Variants in SLC9A9 observed in about 807,000 individuals in gnomAD.
SLC9A9 encodes the protein sodium/hydrogen exchanger 9.
In SLC9A9, 62 loss-of-function variants were observed where a neutral mutation model predicts 77.8. The ratio of observed to expected loss-of-function variants is 0.80; its 90% CI spans 0.65 to 0.98. The LOEUF is 0.98. Ranked by LOEUF, SLC9A9 falls within the 50% of genes least tolerant of loss-of-function variation. The probability of loss-of-function intolerance (pLI) is 0.00; values close to 1 mark genes in which losing one functional copy is unlikely to be tolerated. For synonymous variants in SLC9A9, 320 were observed against 283.5 expected (o/e 1.13, Z -1.29); for missense variants, 775 against 774.9 (o/e 1.00, Z 0.00).
chr3:143,483,324 G>A (rs2035604084), intron 11 of SLC9A9, among the ~76,000 whole-genome samples: 2 of 152,178 alleles, frequency 1.3e-5, no homozygotes, highest in South Asian at 4.1e-4. Context: ...GAGTGTGGCA[G>A]TAGGGTCATC....
At chr3:143,821,550 G>C (rs1042090772) in intron 2 of SLC9A9, among the ~76,000 whole-genome samples, 1 of 152,162 alleles carries the variant, frequency 6.6e-6, no homozygotes, top group East Asian at 1.9e-4. Context: ...TTTTGGGGAC[G>C]TGAAAAATGA....
chr3:143,338,030 T>C (rs1297860515), intron 14 of SLC9A9, among the ~76,000 whole-genome samples: 2 of 152,188 alleles, frequency 1.3e-5, no homozygotes, highest in African/African-American at 2.4e-5. Flanking sequence ...GAGATGAACA[T>C]GCATGTCTCT....
intron 4 of SLC9A9, among the ~76,000 whole-genome samples, chr3:143,772,125 G>A (rs2007544470): frequency 1.3e-5 from 2 of 151,778 alleles, no homozygotes; most frequent in African/African-American, 4.8e-5. Flanking sequence ...ACATGCCCCA[G>A]CCTGCTGGCA....
intron 2 of SLC9A9, among the ~76,000 whole-genome samples, chr3:143,814,542 C>T (rs2008954930): frequency 6.6e-6 from 1 of 152,158 alleles, no homozygotes; most frequent in Non-Finnish European, 1.5e-5. Context: ...TCATGCAGGG[C>T]TGCCAGGTTT....
intron 14 of SLC9A9, among the ~76,000 whole-genome samples, chr3:143,306,532 A>C (rs927455057): frequency 6.6e-6 from 1 of 152,184 alleles, no homozygotes; most frequent in Non-Finnish European, 1.5e-5. Flanking sequence ...TCTTGCCTGT[A>C]AGCTCCATGA....
At chr3:143,412,264 A>C (rs553416552) in intron 12 of SLC9A9, among the ~76,000 whole-genome samples, 6 of 152,042 alleles carry the variant, frequency 3.9e-5, no homozygotes, top group African/African-American at 1.4e-4. Flanking sequence ...TGGACTCTCT[A>C]ACCTCACTTT....
At chr3:143,829,518 A>G (rs1235926348) in intron 2 of SLC9A9, among the ~76,000 whole-genome samples, 1 of 152,206 alleles carries the variant, frequency 6.6e-6, no homozygotes, top group Admixed American at 6.6e-5. Context: ...AACCAGCTCA[A>G]GTACCTATGA....
chr3:143,412,566 C>T (rs1043592191), intron 12 of SLC9A9, among the ~76,000 whole-genome samples: 6 of 152,186 alleles, frequency 3.9e-5, no homozygotes, highest in African/African-American at 1.4e-4. Context: ...TCTCTCTGTA[C>T]ACAGTCCCCC....
chr3:143,571,739 A>T (rs998239765), intron 8 of SLC9A9, among the ~76,000 whole-genome samples: 2 of 152,226 alleles, frequency 1.3e-5, no homozygotes, highest in East Asian at 3.8e-4. Context: ...AGCAATGAAC[A>T]GTGGCCTAAT....
intron 5 of SLC9A9, among the ~76,000 whole-genome samples, chr3:143,668,343 AG>A (rs2039105067): frequency 1.2e-5 from 1 of 81,964 alleles, no homozygotes; most frequent in South Asian, 5.4e-4. Context: ...GGGTGGGGGG[AG>A]GGGGGAGGGA....
chr3:143,725,190 T>C (rs1358937586), intron 4 of SLC9A9, among the ~76,000 whole-genome samples: 4 of 152,172 alleles, frequency 2.6e-5, no homozygotes, highest in African/African-American at 7.2e-5. Flanking sequence ...GATTGGCACA[T>C]AGTTCACACC....
intron 14 of SLC9A9, among the ~76,000 whole-genome samples, chr3:143,306,700 G>A (rs950656422): frequency 6.6e-6 from 1 of 152,048 alleles, no homozygotes; most frequent in East Asian, 1.9e-4. Context: ...TGATCTCCCC[G>A]CTTGCCCTCT....
At chr3:143,712,159 C>T (rs986091924) in intron 4 of SLC9A9, among the ~76,000 whole-genome samples, 2 of 152,084 alleles carry the variant, frequency 1.3e-5, no homozygotes, top group Admixed American at 1.3e-4. Flanking sequence ...CAGAACTTGG[C>T]CTTTATTTAC....
intron 4 of SLC9A9, among the ~76,000 whole-genome samples, chr3:143,743,115 G>T (rs17651150): frequency 1.2e-4 from 18 of 151,764 alleles, no homozygotes; most frequent in African/African-American, 4.4e-4. Context: ...CAGGTAACAG[G>T]CTCCACCAGT....
chr3:143,634,315 C>G (rs1035563002), intron 6 of SLC9A9, among the ~76,000 whole-genome samples: 2 of 152,056 alleles, frequency 1.3e-5, no homozygotes, highest in African/African-American at 4.8e-5. Flanking sequence ...CAAGTGTTTT[C>G]TTCTTCAAAA....
At chr3:143,624,568 C>A (rs977690713) in intron 6 of SLC9A9, among the ~76,000 whole-genome samples, 3 of 152,086 alleles carry the variant, frequency 2.0e-5, no homozygotes, top group Non-Finnish European at 4.4e-5. Flanking sequence ...TTCAACAGCC[C>A]CTCATGCTAA....
intron 1 of SLC9A9, among the ~76,000 whole-genome samples, chr3:143,838,403 T>C (rs1423996002): frequency 6.6e-6 from 1 of 152,102 alleles, no homozygotes; most frequent in Non-Finnish European, 1.5e-5. Context: ...CTGGAGAGTG[T>C]TCAGGAGGGA....
chr3:143,386,341 A>G (rs1262481481), intron 12 of SLC9A9, among the ~76,000 whole-genome samples: 2 of 152,112 alleles, frequency 1.3e-5, no homozygotes, highest in Non-Finnish European at 2.9e-5. Flanking sequence ...TGACTTCATG[A>G]TTACCCTGTA....
intron 4 of SLC9A9, among the ~76,000 whole-genome samples, chr3:143,741,474 A>C (rs1186253047): frequency 6.6e-6 from 1 of 152,226 alleles, no homozygotes; most frequent in Non-Finnish European, 1.5e-5. Context: ...GGATGGTAAG[A>C]GACAAATCTC....
Sources: allele counts gnomAD v4.1 joint callset (sites outside exome capture counted in the v4.1 genomes callset), GRCh38; gene constraint gnomAD v4.1.1; transcripts MANE v1.5; gene names NCBI Gene and HGNC (gene_info 2026-07-23, HGNC 2026-07-21).